The following C4orf51 variants were observed in gnomAD, a reference collection of about 807,000 sequenced individuals.
C4orf51 encodes the protein chromosome 4 open reading frame 51, also known as uncharacterized protein C4orf51.
A neutral mutation model predicts 25.2 loss-of-function variants in C4orf51; 25 were observed. The observed-to-expected ratio is 0.99, with a 90% confidence interval of 0.72 to 1.39. C4orf51 has a LOEUF of 1.39. Ranked by LOEUF, C4orf51 falls within the 40% of genes most tolerant of loss-of-function variation. The pLI is 0.00. For synonymous variants in C4orf51, 100 were observed against 84.5 expected, an observed-to-expected ratio of 1.18 and a Z score of -1.01; for missense variants, 252 against 239.6, an observed-to-expected ratio of 1.05 and a Z score of -0.34.
At chr4:145,780,101 G>A in the C4orf51 span, among the ~76,000 whole-genome samples, 2 of 152,328 alleles carry the variant, frequency 1.3e-5, no homozygotes, top group Non-Finnish European at 1.5e-5. Context: ...TGAGGCACGA[G>A]AATCGCTTGA....
At chr4:145,748,533 A>G (rs1236078247) in intron 1 of C4orf51, among the ~76,000 whole-genome samples, 1 of 151,996 alleles carries the variant, frequency 6.6e-6, no homozygotes, top group Non-Finnish European at 1.5e-5. Flanking sequence ...ATAGTTATAA[A>G]CTTCCCTGCT....
chr4:145,749,540 T>C (rs1733559696), intron 1 of C4orf51, among the ~76,000 whole-genome samples: 1 of 152,162 alleles, frequency 6.6e-6, no homozygotes, highest in Admixed American at 6.5e-5. Flanking sequence ...GGTGATATGA[T>C]TTAGTTTCTT....
At position 145,729,537 on chromosome 4, in the gene C4orf51, G is replaced by A. The variant is rs1276390899; in HGVS notation, c.427+308G>A. Among the ~76,000 whole-genome samples, 17 of 152,208 alleles carry A rather than the reference G, an allele frequency of 1.1e-4. 1 individual carries two copies. The highest frequency in any genetic ancestry group is 1.0e-3 in the Admixed American group (16 of 15,292). ...AGGATGGTCTCGATCTTCCGACCTT[G>A]TGATCCTCCCTCCTTGGCCTCCCAA... On this transcript the variant is annotated intron_variant, in intron 4 of 5. Transcript: ENST00000438731.
At chr4:145,706,904 C>T (rs1391831235) in intron 2 of C4orf51, among the ~76,000 whole-genome samples, 1 of 151,566 alleles carries the variant, frequency 6.6e-6, no homozygotes, top group Non-Finnish European at 1.5e-5. Flanking sequence ...CTCCACCTCC[C>T]GGGTTCAAGC....
intron 2 of C4orf51, among the ~76,000 whole-genome samples, chr4:145,701,496 T>C (rs1481689400): frequency 6.6e-6 from 1 of 151,760 alleles, no homozygotes; most frequent in Non-Finnish European, 1.5e-5. Context: ...TGGCAGCCAC[T>C]CCCAGAGCCC....
intron 2 of C4orf51, among the ~76,000 whole-genome samples, chr4:145,718,763 A>G (rs1291247810): frequency 2.0e-5 from 3 of 152,168 alleles, no homozygotes; most frequent in African/African-American, 7.2e-5. Flanking sequence ...ACCTTTGCTC[A>G]TCCTGTTCCA....
intron 1 of C4orf51, among the ~76,000 whole-genome samples, chr4:145,750,837 C>CT (rs1031669110): frequency 1.3e-5 from 2 of 151,822 alleles, no homozygotes; most frequent in African/African-American, 4.8e-5. Flanking sequence ...CTTTTTAATT[C>CT]TTTTTTATTT....
At chr4:145,685,699 C>T (rs1224088229) in intron 1 of C4orf51, among the ~76,000 whole-genome samples, 4 of 152,234 alleles carry the variant, frequency 2.6e-5, no homozygotes, top group East Asian at 1.9e-4. Context: ...CAGGGTGTGG[C>T]GGCGGGCCGT....
chr4:145,747,052 T>G (rs979881765), intron 1 of C4orf51, among the ~76,000 whole-genome samples: 2 of 152,176 alleles, frequency 1.3e-5, no homozygotes, highest in African/African-American at 4.8e-5. Flanking sequence ...GTACGTTGAT[T>G]TTGTATTCTG....
chr4:145,751,023 G>C (rs1462792979), intron 1 of C4orf51, among the ~76,000 whole-genome samples: 2 of 151,976 alleles, frequency 1.3e-5, no homozygotes, highest in Admixed American at 6.5e-5. Flanking sequence ...AAATTTGTCT[G>C]ACAGAATTCT....
chr4:145,761,109 G>A lies in C4orf51; in HGVS notation n.167-9879G>A, dbSNP rs1243689882. 16 of 1,289,416 alleles carry A rather than the reference G, an allele frequency of 1.2e-5. No individual in the cohort carries two copies. The East Asian group carries it at 2.2e-4, about 18-fold the overall frequency. 79.9% of individuals were successfully genotyped at this position (1,289,416 alleles called of 1,614,324 possible). ...GAGACAGGAGATTCCGGGAGCTCCC[G>A]ACCACCAGGAGCGGGGCCCCCGGGC... is the stretch of plus-strand genomic sequence containing the variant. On this transcript the variant is annotated intron_variant and non_coding_transcript_variant, in intron 1 of 1. Coordinates refer to the C4orf51 transcript ENST00000510096. This position sits in a 1 kb window ranked among gnomAD's most constrained non-coding sequence, Gnocchi z 6.8.
intron 2 of C4orf51, among the ~76,000 whole-genome samples, chr4:145,726,359 A>T (rs954076065): frequency 3.3e-5 from 5 of 152,092 alleles, no homozygotes; most frequent in African/African-American, 1.2e-4. Context: ...AAAATATTCA[A>T]TTTTCCAGAG....
At chr4:145,788,155 G>T in the C4orf51 span, among the ~76,000 whole-genome samples, 1 of 152,004 alleles carries the variant, frequency 6.6e-6, no homozygotes, top group Admixed American at 6.6e-5. Flanking sequence ...AGGAAAACTG[G>T]ATAACCATTT....
At chr4:145,719,220 C>T (rs1731583697) in intron 2 of C4orf51, among the ~76,000 whole-genome samples, 1 of 152,146 alleles carries the variant, frequency 6.6e-6, no homozygotes, top group African/African-American at 2.4e-5. Flanking sequence ...TTCCCACAAC[C>T]TACTTCTTTA....
chr4:145,772,263 T>TA (rs1357731472), downstream of C4orf51, among the ~76,000 whole-genome samples: 2 of 152,360 alleles, frequency 1.3e-5, no homozygotes, highest in African/African-American at 4.8e-5. Context: ...GGTGCTGAGA[T>TA]ACAGCAGTGA....
At chr4:145,766,447 A>C (rs185862197) in intron 1 of C4orf51, among the ~76,000 whole-genome samples, 1 of 152,322 alleles carries the variant, frequency 6.6e-6, no homozygotes, top group East Asian at 1.9e-4. Context: ...AGAGACAGGA[A>C]ACAAAAGAGG....
chr4:145,728,932 G>T (rs1732264567), intron 3 of C4orf51, among the ~76,000 whole-genome samples: 3 of 149,222 alleles, frequency 2.0e-5, no homozygotes, highest in African/African-American at 4.9e-5. Context: ...TTTTTTTTGA[G>T]ACAGGGTCTT....
At chr4:145,744,168 A>G (rs1177368151) in intron 1 of C4orf51, among the ~76,000 whole-genome samples, 2 of 151,910 alleles carry the variant, frequency 1.3e-5, no homozygotes, top group Admixed American at 6.6e-5. Flanking sequence ...AGAGGGAGAC[A>G]TTGATCATGG....
downstream of C4orf51, among the ~76,000 whole-genome samples, chr4:145,733,321 T>C (rs962939474): frequency 3.3e-5 from 5 of 151,912 alleles, no homozygotes; most frequent in Non-Finnish European, 4.4e-5. Flanking sequence ...CTCCTGCTGA[T>C]TCCCCCCCAC....
Sources: gnomAD v4.1 joint callset for allele counts (sites outside exome capture counted in the v4.1 genomes callset) on GRCh38, gnomAD v4.1.1 for gene constraint, Gnocchi (gnomAD v3.1) non-coding constraint, MANE v1.5 for transcripts, NCBI Gene and HGNC (gene_info 2026-07-23, HGNC 2026-07-21) for gene names.